The following DSCAM variants were observed in gnomAD, a reference collection of about 807,000 sequenced individuals.
DSCAM encodes the protein cell adhesion molecule DSCAM.
In DSCAM, 47 loss-of-function variants were observed where a neutral mutation model predicts 217.7. That is an observed-to-expected ratio of 0.22 (90% CI 0.17 to 0.28). The LOEUF (loss-of-function observed/expected upper bound fraction) is 0.28. Among genes scored for constraint, DSCAM ranks in the 10% least tolerant of loss-of-function variants. The pLI is 1.00. For missense variants in DSCAM, 2,080 were observed against 2,618.3 expected (o/e 0.79, Z 4.49); for synonymous variants, 1,056 against 1,015.3 (o/e 1.04, Z -0.76).
At chr21:40,411,518 T>C (rs1268798454) in intron 3 of DSCAM, among the ~76,000 whole-genome samples, 1 of 152,230 alleles carries the variant, frequency 6.6e-6, no homozygotes, top group South Asian at 2.1e-4. Flanking sequence ...CCTAATCATA[T>C]GCTGTGTAAA....
intron 1 of DSCAM, among the ~76,000 whole-genome samples, chr21:40,723,834 T>A (rs1459561750): frequency 6.6e-6 from 1 of 152,356 alleles, no homozygotes; most frequent in African/African-American, 2.4e-5. Flanking sequence ...AGATTTTAGC[T>A]ACTTTGTGTA....
chr21:40,637,614 TAA>T (rs1297162165), intron 3 of DSCAM, among the ~76,000 whole-genome samples: 87 of 41,556 alleles, frequency 2.1e-3, no homozygotes, highest in African/African-American at 5.7e-3. Flanking sequence ...TAAATATATA[TAA>T]ATATATACAT....
At chr21:40,111,967 G>C (rs1243438477) in intron 20 of DSCAM, among the ~76,000 whole-genome samples, 1 of 151,804 alleles carries the variant, frequency 6.6e-6, no homozygotes, top group Non-Finnish European at 1.5e-5. Flanking sequence ...AATAATAATG[G>C]GAGACTTTAA....
At chr21:40,199,567 T>G (rs1296730174) in intron 11 of DSCAM, among the ~76,000 whole-genome samples, 1 of 152,196 alleles carries the variant, frequency 6.6e-6, no homozygotes, top group Admixed American at 6.5e-5. Flanking sequence ...CCTTGAGGAA[T>G]CACCACACTG....
In DSCAM at chr21:40,214,080, G is replaced by A. The variant is rs1472414734; in HGVS notation, c.2357-24842C>T. On this transcript the variant is annotated intron_variant, in intron 11 of 32. Coordinates refer to ENST00000400454, the MANE Select transcript of DSCAM (RefSeq NM_001389.5). ...AGCAAACACACGAAGCGAGACATCA[G>A]GCAATGAGTGATACCTGGGTGTAGA... 2.0e-5 allele frequency among the ~76,000 whole-genome samples: 3 copies of A among 152,210 alleles called. No individual in the cohort carries two copies. The East Asian group carries it at 5.8e-4, about 29-fold the overall frequency.
chr21:40,686,587 T>C (rs2070297020), intron 3 of DSCAM, among the ~76,000 whole-genome samples: 1 of 152,232 alleles, frequency 6.6e-6, no homozygotes, highest in Admixed American at 6.5e-5. Flanking sequence ...CTACTTGTTT[T>C]GGTAGTTCAA....
chr21:40,583,166 T>C (rs555774725), intron 3 of DSCAM, among the ~76,000 whole-genome samples: 1 of 152,170 alleles, frequency 6.6e-6, no homozygotes, highest in Non-Finnish European at 1.5e-5. Flanking sequence ...AGAGATCCAT[T>C]TTATAAATGT....
At chr21:40,526,435 AG>A (rs2076401155) in intron 3 of DSCAM, among the ~76,000 whole-genome samples, 1 of 152,178 alleles carries the variant, frequency 6.6e-6, no homozygotes, top group African/African-American at 2.4e-5. Flanking sequence ...GGCTACTCAG[AG>A]GGCTCCATCC....
At chr21:40,213,202 T>C (rs895801600) in intron 11 of DSCAM, among the ~76,000 whole-genome samples, 1 of 152,262 alleles carries the variant, frequency 6.6e-6, no homozygotes, top group African/African-American at 2.4e-5. Context: ...TTTCACATTT[T>C]TAAACTTCAT....
chr21:40,771,063 C>T (rs1166005322), intron 1 of DSCAM, among the ~76,000 whole-genome samples: 1 of 152,132 alleles, frequency 6.6e-6, no homozygotes, highest in Non-Finnish European at 1.5e-5. Context: ...CTGCCGGACT[C>T]CAGGGCATGC....
intron 32 of DSCAM, among the ~76,000 whole-genome samples, chr21:40,028,512 G>T (rs148180966): frequency 6.6e-6 from 1 of 151,864 alleles, no homozygotes; most frequent in Admixed American, 6.6e-5. Flanking sequence ...CTCCATGGGC[G>T]TAGGACCCTC....
chr21:40,153,067 T>C (rs767435595), intron 16 of DSCAM, among the ~76,000 whole-genome samples: 1 of 152,248 alleles, frequency 6.6e-6, no homozygotes, highest in Non-Finnish European at 1.5e-5. Context: ...TAAAATGTAA[T>C]CTATCCTCAT....
chr21:40,293,348 A>G (rs935056596), intron 10 of DSCAM, among the ~76,000 whole-genome samples: 1 of 152,122 alleles, frequency 6.6e-6, no homozygotes, highest in African/African-American at 2.4e-5. Flanking sequence ...GGAAGTTGAC[A>G]CTATAGCTTG....
At chr21:40,784,398 G>A (rs1204927656) in intron 1 of DSCAM, among the ~76,000 whole-genome samples, 1 of 152,142 alleles carries the variant, frequency 6.6e-6, no homozygotes, top group Non-Finnish European at 1.5e-5. Context: ...GGCCTCCCCA[G>A]CCACATGGAA....
intron 3 of DSCAM, among the ~76,000 whole-genome samples, chr21:40,637,606 A>AATATATAACT (rs1555874998): frequency 5.4e-5 from 2 of 36,790 alleles, no homozygotes; most frequent in Non-Finnish European, 1.0e-4. Flanking sequence ...TATATATATA[A>AATATATAACT]ATATATATAA....
chr21:40,039,220 CA>C (rs2088695196), intron 32 of DSCAM, among the ~76,000 whole-genome samples: 1 of 150,720 alleles, frequency 6.6e-6, no homozygotes, highest in African/African-American at 2.4e-5. Context: ...TAAAGTCTAA[CA>C]GGGGAAACGT....
At chr21:40,139,095 G>A (rs1244155507) in intron 18 of DSCAM, among the ~76,000 whole-genome samples, 3 of 147,766 alleles carry the variant, frequency 2.0e-5, no homozygotes, top group Non-Finnish European at 3.0e-5. Context: ...TATGTGGGAT[G>A]TGTGGTGTGG....
At chr21:40,552,232 T>G in intron 3 of DSCAM, among the ~76,000 whole-genome samples, 1 of 152,108 alleles carries the variant, frequency 6.6e-6, no homozygotes, top group Non-Finnish European at 1.5e-5. Flanking sequence ...AAGAATTGCT[T>G]GAACCTGGGC....
intron 27 of DSCAM, among the ~76,000 whole-genome samples, chr21:40,067,713 C>CCCCTCCCCTCATTCCCT (rs527808834): frequency 1.2e-5 from 1 of 86,312 alleles, no homozygotes; most frequent in Non-Finnish European, 2.1e-5. Flanking sequence ...CCCCTCCCCT[C>CCCCTCCCCTCATTCCCT]CCCTCCCCTC....
Sources: gnomAD v4.1 joint callset for allele counts (sites outside exome capture counted in the v4.1 genomes callset) on GRCh38, gnomAD v4.1.1 for gene constraint, MANE v1.5 for transcripts, NCBI Gene and HGNC (gene_info 2026-07-23, HGNC 2026-07-21) for gene names.